BTBD16: variants seen among roughly 807,000 people sequenced by gnomAD.
The protein encoded by BTBD16 is BTB/POZ domain-containing protein 16.
A neutral mutation model predicts 67.4 loss-of-function variants in BTBD16; 66 were observed. The observed-to-expected ratio is 0.98, with a 90% CI of 0.80 to 1.20. BTBD16 has a LOEUF of 1.20. Ranked by LOEUF, BTBD16 falls within the 50% of genes most tolerant of loss-of-function variation. BTBD16 has a pLI of 0.00. For missense variants in BTBD16, 634 were observed against 616.0 expected (o/e 1.03, Z -0.31); for synonymous variants, 242 against 236.4 (o/e 1.02, Z -0.22).
intron 12 of BTBD16, chr10:122,332,016 C>T (rs987060091): frequency 1.1e-5 from 2 of 174,736 alleles, no homozygotes; most frequent in African/African-American, 4.8e-5. Context: ...TCTTGGTCCT[C>T]TGACTCTGCC....
rs766993265 is a variant in BTBD16 at position 122,276,911 on chromosome 10, T to C, written c.139T>C (p.Phe47Leu). 6 of 1,614,016 alleles carry C rather than the reference T, an allele frequency of 3.7e-6. No homozygotes were observed. Among genetic ancestry groups the C allele is most frequent in the Non-Finnish European group, 5.1e-6 (6 of 1,179,944 alleles). Residue 47 changes from phenylalanine to leucine, a missense_variant, in exon 3 of 16, where the codon TTT (phenylalanine) becomes CTT (leucine). Physicochemically the swap from Phe to Leu is conservative, Grantham distance 22 (BLOSUM62 0). Coordinates refer to ENST00000260723, the MANE Select transcript of BTBD16 (RefSeq NM_144587.5). ...GATGTGCAAGGCTCTGAGCATAGACTTTGAGGAAGCTTTGAGGAACCCAGA... is the reference window on the plus strand; with the variant it reads ...GATGTGCAAGGCTCTGAGCATAGACCTTGAGGAAGCTTTGAGGAACCCAGA... ...SQMCKALSIDFEEALRNPDRL... is the reference protein window; with the variant it reads ...SQMCKALSIDLEEALRNPDRL...
chr10:122,280,592 T>C (rs947401515), intron 3 of BTBD16, among the ~76,000 whole-genome samples: 3 of 149,172 alleles, frequency 2.0e-5, no homozygotes, highest in Non-Finnish European at 4.5e-5. Flanking sequence ...TATTGTATTA[T>C]ATTATATTAT....
chr10:122,307,462 T>C (rs1192061221), intron 10 of BTBD16, among the ~76,000 whole-genome samples, 154 bp downstream of exon 10: 1 of 152,150 alleles, frequency 6.6e-6, no homozygotes, highest in Non-Finnish European at 1.5e-5. Context: ...GATTATAGGA[T>C]GCTTTCAAAC....
chr10:122,334,496 T>A (rs1021906734), intron 13 of BTBD16, among the ~76,000 whole-genome samples: 10 of 22,396 alleles, frequency 4.5e-4, no homozygotes, highest in Non-Finnish European at 6.3e-4. Context: ...TGCCCGGCCT[T>A]TTTTTTTTTT....
intron 11 of BTBD16, 130 bp from the exon 12 acceptor site, chr10:122,331,046 T>G: frequency 8.0e-7 from 1 of 1,244,856 alleles, no homozygotes. Context: ...CAATCAAACC[T>G]TAAAGGAGAC....
chr10:122,292,938 T>C (rs1195038589), intron 7 of BTBD16, among the ~76,000 whole-genome samples: 1 of 152,250 alleles, frequency 6.6e-6, no homozygotes, highest in Non-Finnish European at 1.5e-5. Context: ...CTTCATTCCA[T>C]TAATGCTTAT....
In BTBD16 at chr10:122,297,760, C is replaced by G. The variant is rs1363210320; in HGVS notation, c.591-8C>G. The G allele has an allele frequency of 1.2e-6, 2 of 1,613,996 alleles. No individual in the cohort carries two copies. Among genetic ancestry groups the G allele is most frequent in the African/African-American group, 1.3e-5 (1 of 74,940 alleles). On this transcript the variant is annotated splice_polypyrimidine_tract_variant and splice_region_variant and intron_variant, in intron 7 of 15. Coordinates refer to ENST00000260723, the MANE Select transcript of BTBD16 (RefSeq NM_144587.5). ...GTTCCTCCAGAAACTGCAGTTCTCT[C>G]TCTCCAGGTGCGTGGATGTGATGAT...
Position 122,297,756 on chromosome 10 carries a change from C to T in BTBD16, c.591-12C>T. 6.2e-7 allele frequency: 1 copy of T among 1,613,810 alleles called. No homozygotes were observed. ...TGGGGTTCCTCCAGAAACTGCAGTT[C>T]TCTCTCTCCAGGTGCGTGGATGTGA... On this transcript the variant is annotated splice_polypyrimidine_tract_variant and intron_variant, in intron 7 of 15. Coordinates refer to ENST00000260723, the MANE Select transcript of BTBD16 (RefSeq NM_144587.5).
chr10:122,333,093 A>C, intron 13 of BTBD16: 1 of 363,790 alleles, frequency 2.7e-6, no homozygotes, highest in Non-Finnish European at 3.8e-6. Flanking sequence ...GAAATCAGTG[A>C]TCTCCTTTGA....
At position 122,335,333 on chromosome 10, in the gene BTBD16, C is replaced by T. The variant is rs114005746; in HGVS notation, c.1263+354C>T. ...TCAGTTATTCTCCCATGAAGATAAC[C>T]GGTAATGCCCCCAACTGGGAGAGGG... On this transcript the variant is annotated intron_variant, in intron 14 of 15. Transcript: ENST00000260723. Among the ~76,000 whole-genome samples, 368 of 152,300 alleles carry T rather than the reference C, an allele frequency of 2.4e-3. 1 individual carries two copies. Among genetic ancestry groups the T allele is most frequent in the African/African-American group, 8.4e-3 (349 of 41,566 alleles).
chr10:122,303,753 C>T (rs1489029936), intron 9 of BTBD16: 1 of 486,026 alleles, frequency 2.1e-6, no homozygotes, highest in Non-Finnish European at 2.7e-6. Context: ...CCAGTAAACA[C>T]ACATGGTACA....
chr10:122,289,231 T>A (rs2096369365), intron 5 of BTBD16, among the ~76,000 whole-genome samples: 1 of 152,130 alleles, frequency 6.6e-6, no homozygotes, highest in South Asian at 2.1e-4. Context: ...AGGTTCAGTC[T>A]GCCCTTAAAC....
intron 5 of BTBD16, chr10:122,287,617 T>C (rs1318698533): frequency 1.7e-5 from 6 of 351,038 alleles, no homozygotes; most frequent in Non-Finnish European, 2.4e-5. Flanking sequence ...CAGTCCTTCA[T>C]GTGCCTTTAA....
chr10:122,296,301 A>G (rs2096383011), intron 7 of BTBD16, among the ~76,000 whole-genome samples: 2 of 152,168 alleles, frequency 1.3e-5, no homozygotes, highest in African/African-American at 4.8e-5. Flanking sequence ...AAAGCGGCAC[A>G]CCAAAATGCA....
chr10:122,316,613 A>G (rs571299374), intron 10 of BTBD16, among the ~76,000 whole-genome samples: 2 of 152,284 alleles, frequency 1.3e-5, no homozygotes, highest in African/African-American at 4.8e-5. Flanking sequence ...TTGTAACACA[A>G]TGGTAAGTAT....
chr10:122,309,752 C>T (rs1034691492), intron 10 of BTBD16, among the ~76,000 whole-genome samples: 1 of 150,580 alleles, frequency 6.6e-6, no homozygotes, highest in African/African-American at 2.4e-5. Flanking sequence ...GGATTACAAG[C>T]ATGAGCCACT....
intron 1 of BTBD16, among the ~76,000 whole-genome samples, chr10:122,274,237 A>G (rs905827287): frequency 6.6e-6 from 1 of 152,222 alleles, no homozygotes. Flanking sequence ...CTCAGGGGCC[A>G]AAGAGTGGGC....
chr10:122,330,260 G>A (rs1311294930), intron 11 of BTBD16, among the ~76,000 whole-genome samples: 2 of 152,172 alleles, frequency 1.3e-5, no homozygotes, highest in Non-Finnish European at 2.9e-5. Flanking sequence ...ATGTTGGGGT[G>A]AGGCGTGGTT....
chr10:122,289,426 A>G (rs2096369741), intron 5 of BTBD16, among the ~76,000 whole-genome samples: 1 of 152,130 alleles, frequency 6.6e-6, no homozygotes, highest in Non-Finnish European at 1.5e-5. Flanking sequence ...AACTATTTCA[A>G]AGTAAATAAG....
Sources: gnomAD v4.1 joint callset for allele counts (sites outside exome capture counted in the v4.1 genomes callset) on GRCh38, gnomAD v4.1.1 for gene constraint, MANE v1.5 for transcripts, NCBI Gene and HGNC (gene_info 2026-07-23, HGNC 2026-07-21) for gene names.